SND1: variants seen among roughly 807,000 people sequenced by gnomAD.
SND1 encodes staphylococcal nuclease and tudor domain containing 1.
SND1 carries 38 observed loss-of-function variants against 121.7 expected under a neutral mutation model. The ratio of observed to expected loss-of-function variants is 0.31; its 90% CI spans 0.24 to 0.41. The LOEUF is 0.41. Among genes scored for constraint, SND1 ranks in the 10% least tolerant of loss-of-function variants. The probability of loss-of-function intolerance (pLI) is 1.00; values close to 1 mark genes in which losing one functional copy is unlikely to be tolerated. For synonymous variants in SND1, 401 were observed against 447.4 expected (o/e 0.90, Z 1.31); for missense variants, 868 against 1,184.6 (o/e 0.73, Z 3.92).
intron 3 of SND1, among the ~76,000 whole-genome samples, 194 bp downstream of exon 3, chr7:127,695,142 G>GTTCCTTGTGTACCCCTT (rs1187318881): frequency 1.3e-5 from 2 of 152,182 alleles, no homozygotes; most frequent in Non-Finnish European, 2.9e-5. Context: ...CGGTGTTCCT[G>GTTCCTTGTGTACCCCTT]TTCCTTGTGT....
At chr7:128,061,854 G>C (rs972518092) in intron 16 of SND1, among the ~76,000 whole-genome samples, 2 of 152,248 alleles carry the variant, frequency 1.3e-5, no homozygotes, top group African/African-American at 4.8e-5. Flanking sequence ...GGCCCCCCAG[G>C]TCATACCGAG....
At chr7:127,729,502 C>A (rs1796637975) in intron 10 of SND1, among the ~76,000 whole-genome samples, 1 of 146,732 alleles carries the variant, frequency 6.8e-6, no homozygotes, top group Non-Finnish European at 1.5e-5. Context: ...GTGCAGTCAT[C>A]CAGTGCTTCG....
At chr7:128,080,451 G>A (rs1286710561) in intron 17 of SND1, among the ~76,000 whole-genome samples, 2 of 152,284 alleles carry the variant, frequency 1.3e-5, no homozygotes, top group Admixed American at 6.5e-5. Flanking sequence ...ACCTGCTGGA[G>A]GTGAGGAGGA....
intron 16 of SND1, among the ~76,000 whole-genome samples, chr7:128,053,539 C>T (rs1793082910): frequency 6.6e-6 from 1 of 152,024 alleles, no homozygotes; most frequent in South Asian, 2.1e-4. Flanking sequence ...AACTGTGGAA[C>T]ACAAAATTGT....
chr7:127,708,652 G>T (rs997557560), intron 9 of SND1, among the ~76,000 whole-genome samples: 1 of 151,998 alleles, frequency 6.6e-6, no homozygotes, highest in Admixed American at 6.6e-5. Context: ...ACTTTGAAGG[G>T]AACTAGAGCT....
At chr7:127,815,854 T>A (rs546654497) in intron 11 of SND1, among the ~76,000 whole-genome samples, 1 of 152,330 alleles carries the variant, frequency 6.6e-6, no homozygotes, top group South Asian at 2.1e-4. Context: ...GGGTTTCTAC[T>A]TCAGTAGTTA....
intron 9 of SND1, among the ~76,000 whole-genome samples, chr7:127,719,749 GTTC>G (rs1263365666): frequency 1.3e-5 from 2 of 152,148 alleles, no homozygotes; most frequent in African/African-American, 4.8e-5. Context: ...TTGCTGGGCT[GTTC>G]TTCTCTACAC....
At chr7:127,895,766 C>T (rs1412244300) in intron 13 of SND1, among the ~76,000 whole-genome samples, 2 of 152,096 alleles carry the variant, frequency 1.3e-5, no homozygotes, top group East Asian at 1.9e-4. Flanking sequence ...AATCAATCTG[C>T]ATTTAAGGCA....
At chr7:127,756,310 A>G (rs1797193656) in intron 10 of SND1, among the ~76,000 whole-genome samples, 2 of 152,130 alleles carry the variant, frequency 1.3e-5, no homozygotes, top group Admixed American at 6.6e-5. Flanking sequence ...AATTTAAGGT[A>G]GTTGAATCTT....
intron 16 of SND1, among the ~76,000 whole-genome samples, chr7:128,013,984 G>C (rs1456983524): frequency 1.3e-5 from 2 of 152,228 alleles, no homozygotes. Flanking sequence ...TCTCCCACTT[G>C]ATATTCACAG....
intron 12 of SND1, among the ~76,000 whole-genome samples, chr7:127,853,430 TA>T (rs1799211501): frequency 6.6e-6 from 1 of 152,196 alleles, no homozygotes; most frequent in Non-Finnish European, 1.5e-5. Context: ...TTGAGAACTT[TA>T]ATGCTTTCCA....
At chr7:127,925,699 G>A (rs556483745) in intron 14 of SND1, among the ~76,000 whole-genome samples, 4 of 151,596 alleles carry the variant, frequency 2.6e-5, no homozygotes, top group African/African-American at 4.8e-5. Flanking sequence ...CGCCTCCCAG[G>A]TTCAAGCGAT....
At chr7:127,941,704 A>G (rs1801207229) in intron 15 of SND1, among the ~76,000 whole-genome samples, 1 of 152,172 alleles carries the variant, frequency 6.6e-6, no homozygotes, top group African/African-American at 2.4e-5. Flanking sequence ...TAGCATTTGC[A>G]TTTTAAATTA....
At chr7:128,022,864 G>A (rs1208734906) in intron 16 of SND1, among the ~76,000 whole-genome samples, 1 of 152,174 alleles carries the variant, frequency 6.6e-6, no homozygotes, top group Non-Finnish European at 1.5e-5. Flanking sequence ...ACTGTTGTGG[G>A]TAGGTGGTTT....
At chr7:127,656,722 C>A (rs968823119) in intron 1 of SND1, among the ~76,000 whole-genome samples, 1 of 152,158 alleles carries the variant, frequency 6.6e-6, no homozygotes, top group African/African-American at 2.4e-5. Context: ...AAGTCAGGGA[C>A]CCCGAACAGA....
rs143101564 is a variant in SND1, at chr7:127,816,270, G to A, written c.1242+8697G>A. 1.8e-3 allele frequency among the ~76,000 whole-genome samples: 275 copies of A among 152,264 alleles called. 2 individuals are homozygous for A. The highest frequency in any genetic ancestry group is 3.2e-3 in the Non-Finnish European group (219 of 68,012). ...TCCTGGCAGGAGCTCTTGGTGAGCC[G>A]TGCTCATCCCATTCAAGGTTGATGA... On this transcript the variant is annotated intron_variant, in intron 11 of 23. Transcript: ENST00000354725.
intron 12 of SND1, among the ~76,000 whole-genome samples, chr7:127,850,068 T>G (rs1799136792): frequency 6.6e-6 from 1 of 152,248 alleles, no homozygotes; most frequent in Admixed American, 6.5e-5. Context: ...TTGCTTTTGC[T>G]TTTTCTTTGG....
chr7:127,904,621 A>G (rs1434231454), intron 13 of SND1, 126 bp from the exon 14 acceptor site: 10 of 643,256 alleles, frequency 1.6e-5, no homozygotes, highest in Non-Finnish European at 2.6e-5. Context: ...AGCAGTGTAC[A>G]GTGTGACTTG....
At chr7:127,920,271 G>A (rs1800671977) in intron 14 of SND1, among the ~76,000 whole-genome samples, 1 of 152,072 alleles carries the variant, frequency 6.6e-6, no homozygotes, top group Non-Finnish European at 1.5e-5. Flanking sequence ...TTGTTTGTTT[G>A]TTAAACAAAA....
Sources: allele counts gnomAD v4.1 joint callset (sites outside exome capture counted in the v4.1 genomes callset), GRCh38; gene constraint gnomAD v4.1.1; transcripts MANE v1.5; gene names NCBI Gene and HGNC (gene_info 2026-07-23, HGNC 2026-07-21).